The following ROBO2 variants were observed in gnomAD, a reference collection of about 807,000 sequenced individuals.
The protein encoded by ROBO2 is roundabout guidance receptor 2.
Under a neutral mutation model 160.8 loss-of-function variants are expected in ROBO2, and 53 were observed. The observed-to-expected ratio is 0.33, with a 90% confidence interval of 0.26 to 0.41. The LOEUF (loss-of-function observed/expected upper bound fraction) is 0.41. Ranked by LOEUF, ROBO2 falls within the 10% of genes least tolerant of loss-of-function variation. The pLI is 1.00. For missense variants in ROBO2, 1,577 were observed against 1,722.4 expected (o/e 0.92, Z 1.49); for synonymous variants, 664 against 611.7 (o/e 1.09, Z -1.26).
At chr3:77,524,282 AATATAT>A (rs10637272) in intron 6 of ROBO2, among the ~76,000 whole-genome samples, 2 of 148,418 alleles carry the variant, frequency 1.3e-5, no homozygotes, top group Admixed American at 1.4e-4. Flanking sequence ...ATATGAATTG[AATATAT>A]ATATATATAT....
intron 2 of ROBO2, among the ~76,000 whole-genome samples, chr3:76,581,020 G>T (rs1044672567): frequency 1.3e-5 from 2 of 152,152 alleles, no homozygotes; most frequent in African/African-American, 4.8e-5. Flanking sequence ...GATTGTGGTT[G>T]ATCAGATAAA....
intron 2 of ROBO2, among the ~76,000 whole-genome samples, chr3:76,925,224 A>T (rs992307529): frequency 9.8e-6 from 1 of 101,932 alleles, no homozygotes; most frequent in African/African-American, 3.8e-5. Flanking sequence ...AAAAAAAAAA[A>T]AAAAAAATCT....
At chr3:76,977,769 TA>T (rs1163873785) in intron 2 of ROBO2, among the ~76,000 whole-genome samples, 1 of 152,178 alleles carries the variant, frequency 6.6e-6, no homozygotes, top group African/African-American at 2.4e-5. Context: ...TGTTTTGATG[TA>T]AAGCATTTGA....
chr3:76,052,892 T>G (rs189639935), intron 2 of ROBO2, among the ~76,000 whole-genome samples: 9 of 152,148 alleles, frequency 5.9e-5, no homozygotes, highest in African/African-American at 2.2e-4. Context: ...CATGTTAAAT[T>G]GACTAGGGAA....
intron 2 of ROBO2, among the ~76,000 whole-genome samples, chr3:76,205,429 C>T (rs1429037118): frequency 6.6e-6 from 1 of 152,126 alleles, no homozygotes; most frequent in African/African-American, 2.4e-5. Flanking sequence ...AGAAGCATCA[C>T]ACTCCTGCTC....
At chr3:76,313,426 A>G (rs1414008961) in intron 2 of ROBO2, among the ~76,000 whole-genome samples, 7 of 152,138 alleles carry the variant, frequency 4.6e-5, no homozygotes, top group Non-Finnish European at 1.0e-4. Context: ...ACATTTTTAC[A>G]ATTTGTTCAA....
Position 76,286,047 on chromosome 3 carries a change from C to T in ROBO2, c.109+348445C>T, listed in dbSNP as rs140358897. 1.9e-3 allele frequency among the ~76,000 whole-genome samples: 290 copies of T among 152,266 alleles called. 2 individuals carry two copies. The highest frequency in any genetic ancestry group is 3.4e-4 in the Non-Finnish European group (23 of 68,018). On this transcript the variant is annotated intron_variant, in intron 2 of 26. Coordinates refer to the ROBO2 transcript ENST00000487694. ...GGTACAAAAATGGATAATATGTAAA[C>T]ACTTCTCCTAAGTAGTTCACAGTTC...
chr3:76,338,385 T>C (rs1403798117), intron 2 of ROBO2, among the ~76,000 whole-genome samples: 1 of 152,182 alleles, frequency 6.6e-6, no homozygotes, highest in Non-Finnish European at 1.5e-5. Flanking sequence ...TATAGCAATT[T>C]GATGACTAAA....
In ROBO2 at chr3:76,978,883, G is replaced by A. The variant is rs72902028; in HGVS notation, c.110-119131G>A. ...CTGGTTTCTTGTTTTACTTTTTTTT[G>A]TGTAAATATAAGGAGTACAAGTGCA... On this transcript the variant is annotated intron_variant, in intron 2 of 26. Transcript: ENST00000487694. 9.8e-3 allele frequency among the ~76,000 whole-genome samples: 1,475 copies of A among 149,894 alleles called. 26 individuals carry two copies. The highest frequency in any genetic ancestry group is 0.034 in the African/African-American group (1,383 of 40,804).
chr3:77,299,088 C>A (rs183121034), intron 2 of ROBO2, among the ~76,000 whole-genome samples: 22 of 152,054 alleles, frequency 1.4e-4, no homozygotes, highest in Non-Finnish European at 2.5e-4. Flanking sequence ...AGGAAGAAAG[C>A]ATTTTAGAAA....
chr3:76,609,036 T>C (rs1373913760), intron 2 of ROBO2, among the ~76,000 whole-genome samples: 4 of 152,212 alleles, frequency 2.6e-5, no homozygotes, highest in Admixed American at 2.6e-4. Context: ...TTTCATTTCT[T>C]AGCTATCCGT....
At chr3:77,334,851 G>C (rs1222338809) in intron 2 of ROBO2, among the ~76,000 whole-genome samples, 18 of 152,134 alleles carry the variant, frequency 1.2e-4, no homozygotes, top group Non-Finnish European at 1.5e-5. Flanking sequence ...CAGTCCATAA[G>C]AGAATTTCCT....
At chr3:76,456,323 G>T (rs6789393) in intron 2 of ROBO2, among the ~76,000 whole-genome samples, 60,356 of 152,054 alleles carry the variant, frequency 0.4, 12,115 homozygotes, top group African/African-American at 0.45. Context: ...CATTCCATTG[G>T]TTTGTTCAAT....
intron 2 of ROBO2, among the ~76,000 whole-genome samples, chr3:77,259,670 T>G (rs1385212854): frequency 6.6e-6 from 1 of 152,314 alleles, no homozygotes; most frequent in Non-Finnish European, 1.5e-5. Flanking sequence ...AAAGTTTACC[T>G]TAGCATTTCA....
intron 17 of ROBO2, 61 bp from the exon 19 acceptor site, chr3:77,595,081 T>G (rs2153687527): frequency 7.4e-7 from 1 of 1,346,484 alleles, no homozygotes; most frequent in East Asian, 2.3e-5. Context: ...TAGTTGTTAT[T>G]AATTGTAATT....
chr3:77,559,347 A>G (rs1409908616), intron 9 of ROBO2, among the ~76,000 whole-genome samples: 1 of 152,072 alleles, frequency 6.6e-6, no homozygotes, highest in Admixed American at 6.6e-5. Context: ...AGTACATTCA[A>G]CTCATTCAAC....
intron 2 of ROBO2, among the ~76,000 whole-genome samples, chr3:77,469,289 C>G (rs2083105378): frequency 6.6e-6 from 1 of 152,144 alleles, no homozygotes; most frequent in Non-Finnish European, 1.5e-5. Context: ...TTTTTTTACA[C>G]TTTGTACATA....
At chr3:76,837,702 T>G (rs567021241) in intron 2 of ROBO2, among the ~76,000 whole-genome samples, 2 of 152,030 alleles carry the variant, frequency 1.3e-5, no homozygotes, top group African/African-American at 4.8e-5. Context: ...AAATCCCCCC[T>G]ACTCTAAATA....
At chr3:76,795,758 C>G (rs2063650481) in intron 2 of ROBO2, among the ~76,000 whole-genome samples, 1 of 152,096 alleles carries the variant, frequency 6.6e-6, no homozygotes, top group Non-Finnish European at 1.5e-5. Context: ...CACAAATATT[C>G]TTAATGGCAT....
Sources: gnomAD v4.1 joint callset for allele counts (sites outside exome capture counted in the v4.1 genomes callset) on GRCh38, gnomAD v4.1.1 for gene constraint, MANE v1.5 for transcripts, NCBI Gene and HGNC (gene_info 2026-07-23, HGNC 2026-07-21) for gene names.